SKI: variants seen among roughly 807,000 people sequenced by gnomAD.
SKI encodes the protein SKI proto-oncogene.
Under a neutral mutation model 59.3 loss-of-function variants are expected in SKI, and 23 were observed. The observed-to-expected ratio is 0.39, with a 90% confidence interval of 0.28 to 0.55. The LOEUF (loss-of-function observed/expected upper bound fraction) is 0.55, where lower values mean the gene tolerates loss of function less well. SKI is among the 20% of genes least tolerant of loss of function. The probability of loss-of-function intolerance (pLI) is 0.67; values close to 1 mark genes in which losing one functional copy is unlikely to be tolerated. For missense variants in SKI, 1,017 were observed against 1,038.9 expected, an observed-to-expected ratio of 0.98 and a Z score of 0.29; for synonymous variants, 673 against 488.6, an observed-to-expected ratio of 1.38 and a Z score of -4.98.
chr1:2,233,252 C>G (rs1281237247), intron 1 of SKI, among the ~76,000 whole-genome samples: 1 of 138,592 alleles, frequency 7.2e-6, no homozygotes, highest in Non-Finnish European at 1.6e-5. Context: ...GTCCTGTTCC[C>G]AGAGGTCCGG....
In SKI at chr1:2,306,535, G is replaced by A. The variant is rs535620385; in HGVS notation, c.1999-42G>A. 1.6e-5 allele frequency: 25 copies of A among 1,527,934 alleles called. No homozygotes were observed. In the South Asian group the frequency reaches 2.6e-4, roughly 16 times the overall value. The allele number at this position is 1,527,934 out of a possible 1,614,324, so 94.6% of individuals were successfully genotyped here. A position where few individuals can be genotyped will look rare whatever the true frequency, so the allele number is the denominator to read the frequency against. On this transcript the variant is annotated intron_variant, in intron 6 of 6. Transcript: ENST00000378536. Reference sequence around the variant, plus strand: ...GGGGAAGCAGCGTCGGGCCGGGGCAGGGCAGCGAGCAGGCGCCGCTGACCA... The same window carrying A: ...GGGGAAGCAGCGTCGGGCCGGGGCAAGGCAGCGAGCAGGCGCCGCTGACCA...
chr1:2,303,465 G>A lies in SKI; in HGVS notation c.1211+65G>A. The stretch of plus-strand genomic sequence containing the variant: ...GAGGCTCCACGAGGGCTGTGCATGC[G>A]GACGCGCCCATGTTTCTGCAGGCTG... On this transcript the variant is annotated intron_variant, in intron 3 of 6. Transcript: ENST00000378536. This position sits in a 1 kb window ranked among gnomAD's most constrained non-coding sequence, Gnocchi z 5.6. The A allele has an allele frequency of 1.0e-5, 14 of 1,389,756 alleles. No individual in the cohort carries two copies. The highest frequency in any genetic ancestry group is 2.3e-5 in the East Asian group (1 of 43,554). The allele number at this position is 1,389,756 out of a possible 1,614,324, so 86.1% of individuals were successfully genotyped here. A position where few individuals can be genotyped will look rare whatever the true frequency, so the allele number is the denominator to read the frequency against.
intron 1 of SKI, among the ~76,000 whole-genome samples, chr1:2,260,539 T>TTTC (rs1553194293): frequency 5.6e-5 from 7 of 124,654 alleles, no homozygotes; most frequent in South Asian, 2.8e-4. Context: ...CTTTTTCTTT[T>TTTC]TTTTTTTTTT....
intron 1 of SKI, among the ~76,000 whole-genome samples, chr1:2,297,660 C>T (rs567742190): frequency 6.6e-6 from 1 of 152,246 alleles, no homozygotes; most frequent in Non-Finnish European, 1.5e-5. Context: ...TGTACAGAGA[C>T]GAATTGGCGC....
intron 1 of SKI, among the ~76,000 whole-genome samples, chr1:2,241,221 G>A (rs553599340): frequency 2.0e-5 from 3 of 152,262 alleles, no homozygotes; most frequent in African/African-American, 7.2e-5. Context: ...ATGAACTTGC[G>A]GCTTAAATAT....
intron 1 of SKI, among the ~76,000 whole-genome samples, chr1:2,300,314 C>G (rs1177640456): frequency 6.6e-6 from 1 of 152,256 alleles, no homozygotes; most frequent in Non-Finnish European, 1.5e-5. Flanking sequence ...CAGGCCCAGC[C>G]CCATTGCTTT....
rs1442502391 is a variant in SKI, at chr1:2,304,363, C to T, written c.1545C>T (p.Ser515=). 1.9e-6 allele frequency: 3 copies of T among 1,551,774 alleles called. No homozygotes were observed. The South Asian group carries it at 3.6e-5, about 18-fold the overall frequency. ...CCAGCTCCGCCAAGGACCTGGGCTC[C>T]CCGGGTGCGCGTGCCCTGCCCTCGG... ...TSSSSAKDLG[S]PGARALPSAV... Residue 515 remains serine, a synonymous_variant, in exon 5 of 7, where the codon TCC becomes TCT. Transcript: ENST00000378536.
chr1:2,233,992 T>C (rs1557810345), intron 1 of SKI, among the ~76,000 whole-genome samples: 2 of 152,164 alleles, frequency 1.3e-5, no homozygotes, highest in Non-Finnish European at 2.9e-5. Flanking sequence ...GAAAAAGTGT[T>C]TGCTGCAAGT....
intron 4 of SKI, 28 bp from the exon 5 acceptor site, chr1:2,304,265 T>G (rs779986132): frequency 1.3e-6 from 2 of 1,551,768 alleles, no homozygotes; most frequent in Middle Eastern, 1.7e-4. Flanking sequence ...CTTCCATGAC[T>G]TTGTTTCTGT....
At chr1:2,299,268 C>T (rs1303867015) in intron 1 of SKI, among the ~76,000 whole-genome samples, 4 of 152,210 alleles carry the variant, frequency 2.6e-5, no homozygotes, top group South Asian at 2.1e-4. Context: ...GGGGGCCACA[C>T]GGGCAGGCGG....
intron 1 of SKI, among the ~76,000 whole-genome samples, chr1:2,276,521 G>A (rs1220256248): frequency 1.3e-5 from 2 of 152,252 alleles, no homozygotes; most frequent in African/African-American, 2.4e-5. Flanking sequence ...TGTGCCTCTA[G>A]AGGCCCTGAG....
At position 2,267,667 on chromosome 1, in the gene SKI, G is replaced by A. The variant is rs1254408317; in HGVS notation, c.970-35311G>A. On this transcript the variant is annotated intron_variant, in intron 1 of 6. Coordinates refer to ENST00000378536, the MANE Select transcript of SKI (RefSeq NM_003036.4). This position sits in a 1 kb window ranked among gnomAD's most constrained non-coding sequence, Gnocchi z 4.1. ...CCTGGGAAAGGCTTGTTGTGGGGGC[G>A]GGGGGCGCACCACACTTCAGGGATG... is the stretch of plus-strand genomic sequence containing the variant. Among the ~76,000 whole-genome samples, 3 of 152,276 alleles carry A rather than the reference G, an allele frequency of 2.0e-5. No individual in the cohort carries two copies. The South Asian group carries it at 6.2e-4, about 32-fold the overall frequency.
intron 1 of SKI, among the ~76,000 whole-genome samples, chr1:2,290,076 G>A (rs1358506651): frequency 2.1e-4 from 32 of 152,184 alleles, no homozygotes; most frequent in Admixed American, 2.1e-3. Flanking sequence ...GGGGGTCCCT[G>A]TTGGTCAGGG....
At chr1:2,247,865 C>G (rs1372082580) in intron 1 of SKI, 3 of 152,442 alleles carry the variant, frequency 2.0e-5, no homozygotes, top group Non-Finnish European at 4.4e-5. Context: ...GGCCTCCTTC[C>G]CCTGGATGCG....
chr1:2,248,107 C>G (rs1334019629), intron 1 of SKI: 1 of 152,260 alleles, frequency 6.6e-6, no homozygotes, highest in Non-Finnish European at 1.5e-5. Context: ...CTTTTGGGGA[C>G]TTTCTGGAGC....
rs1638581881 is a variant in SKI at position 2,229,479 on chromosome 1, G to T, written c.713G>T (p.Ser238Ile). 6.2e-7 allele frequency: 1 copy of T among 1,611,508 alleles called. No homozygotes were observed. The highest frequency in any genetic ancestry group is 1.3e-5 in the African/African-American group (1 of 74,924). Residue 238 changes from serine (S) to isoleucine (I), a missense_variant, in exon 1 of 7, where the codon AGC (serine) becomes ATC (isoleucine). By Grantham distance (142) the Ser-to-Ile change is moderately radical. Coordinates refer to ENST00000378536, the MANE Select transcript of SKI (RefSeq NM_003036.4). This position sits in a 1 kb window ranked among gnomAD's most constrained non-coding sequence, Gnocchi z 6.3. Reference sequence around the variant, plus strand: ...GGGCTGCTGGTGCCCGAGCTCTACAGCAGCCCGAGCGCCGCCTGCATCCAG... The same window carrying T: ...GGGCTGCTGGTGCCCGAGCTCTACATCAGCCCGAGCGCCGCCTGCATCCAG... ...CKGLLVPELY[S>I]SPSAACIQCL...
intron 1 of SKI, among the ~76,000 whole-genome samples, chr1:2,295,684 TCACACGTGACTGTGTGTCCGGGC>T (rs1157557533): frequency 6.7e-6 from 1 of 150,210 alleles, no homozygotes; most frequent in East Asian, 2.0e-4. Context: ...TGTGTCCGGG[TCACACGTGACTGTGTGTCCGGGC>T]CACGTGTGGC....
chr1:2,244,482 A>G (rs1395074403), intron 1 of SKI, among the ~76,000 whole-genome samples: 4 of 152,088 alleles, frequency 2.6e-5, no homozygotes, highest in African/African-American at 9.7e-5. Flanking sequence ...TGGGAGGCTG[A>G]GGCTGGAGAA....
At chr1:2,292,937 G>A (rs1394433441) in intron 1 of SKI, among the ~76,000 whole-genome samples, 2 of 152,218 alleles carry the variant, frequency 1.3e-5, no homozygotes, top group Non-Finnish European at 2.9e-5. Context: ...CGAGGATGTC[G>A]GCACCATTTG....
Sources: allele counts gnomAD v4.1 joint callset (sites outside exome capture counted in the v4.1 genomes callset), GRCh38; gene constraint gnomAD v4.1.1; non-coding constraint Gnocchi (gnomAD v3.1); transcripts MANE v1.5; gene names NCBI Gene and HGNC (gene_info 2026-07-23, HGNC 2026-07-21).